Variants in FBXO38 observed in about 807,000 individuals in gnomAD.
The protein encoded by FBXO38 is F-box only protein 38.
In FBXO38, 53 loss-of-function variants were observed where a neutral mutation model predicts 131.9. The observed-to-expected ratio is 0.40, with a 90% confidence interval of 0.32 to 0.51. The LOEUF (loss-of-function observed/expected upper bound fraction) is 0.51. FBXO38 is among the 20% of genes least tolerant of loss of function. The pLI is 0.53. For synonymous variants in FBXO38, 452 were observed against 505.6 expected (o/e 0.89, Z 1.42); for missense variants, 1,076 against 1,475.6 (o/e 0.73, Z 4.44).
intron 3 of FBXO38, among the ~76,000 whole-genome samples, chr5:148,401,767 C>A (rs1310037978): frequency 6.6e-6 from 1 of 152,132 alleles, no homozygotes; most frequent in East Asian, 1.9e-4. Flanking sequence ...AAGCCTCCTC[C>A]ATAAAGTATT....
chr5:148,425,874 C>T (rs1254682232), intron 14 of FBXO38, among the ~76,000 whole-genome samples, 173 bp downstream of exon 14: 1 of 152,080 alleles, frequency 6.6e-6, no homozygotes, highest in Non-Finnish European at 1.5e-5. Context: ...GTAGGCAATA[C>T]AACACAACAG....
rs185100825 is a variant in FBXO38 at position 148,438,763 on chromosome 5, A to G, written c.3024+265A>G. ...AATTTCTGGCTGTCTGACCTGTAGC[A>G]GATTATTTGACTTCGATGTCTTAGT... On this transcript the variant is annotated intron_variant, in intron 18 of 21. Transcript: ENST00000340253. Among the ~76,000 whole-genome samples the G allele has an allele frequency of 5.5e-3, 842 of 152,296 alleles. 3 individuals carry two copies. Among genetic ancestry groups the G allele is most frequent in the South Asian group, 0.014 (68 of 4,824 alleles).
chr5:148,409,073 C>A, intron 7 of FBXO38, 51 bp from the exon 8 acceptor site: 1 of 980,326 alleles, frequency 1.0e-6, no homozygotes, highest in Non-Finnish European at 1.7e-6. Context: ...TATATAAATA[C>A]TTCACTAAAA....
chr5:148,400,676 CTT>C (rs1196119009), intron 3 of FBXO38, among the ~76,000 whole-genome samples: 1 of 152,078 alleles, frequency 6.6e-6, no homozygotes, highest in Non-Finnish European at 1.5e-5. Context: ...TATATGATCT[CTT>C]TGGATTCTCA....
intron 2 of FBXO38, among the ~76,000 whole-genome samples, chr5:148,397,318 T>C (rs1229622734): frequency 6.6e-6 from 1 of 152,160 alleles, no homozygotes; most frequent in African/African-American, 2.4e-5. Context: ...AGAAAAAATA[T>C]GCTACTTCTT....
At chr5:148,431,290 T>G (rs552147284) in intron 15 of FBXO38, among the ~76,000 whole-genome samples, 1 of 152,330 alleles carries the variant, frequency 6.6e-6, no homozygotes, top group East Asian at 1.9e-4. Flanking sequence ...GAGGGAGGCA[T>G]AAGAGAATAA....
chr5:148,418,048 T>G (rs758609548), intron 12 of FBXO38, among the ~76,000 whole-genome samples: 3 of 152,214 alleles, frequency 2.0e-5, no homozygotes, highest in Non-Finnish European at 4.4e-5. Flanking sequence ...AAGAATCATC[T>G]GTAGGCAATG....
intron 12 of FBXO38, among the ~76,000 whole-genome samples, chr5:148,419,486 T>C (rs1180249532): frequency 6.6e-6 from 1 of 152,200 alleles, no homozygotes; most frequent in Non-Finnish European, 1.5e-5. Flanking sequence ...GTTAAACAGT[T>C]GACTAATATT....
Position 148,427,505 on chromosome 5 carries a change from C to A in FBXO38, c.2211C>A (p.Ser737=), listed in dbSNP as rs145527741. The A allele has an allele frequency of 1.9e-6, 3 of 1,614,148 alleles. No homozygotes were observed. The highest frequency in any genetic ancestry group is 2.5e-6 in the Non-Finnish European group (3 of 1,180,008). The part of the protein sequence containing the change: ...FVRTVNSGGS[S]EPSPTEVDVS... The stretch of plus-strand genomic sequence containing the variant: ...GGACGGTGAACAGCGGCGGCTCTTC[C>A]GAGCCTAGCCCTACAGAAGTGGATG... The change falls in exon 15 of 22, where the codon TCC becomes TCA. Residue 737 remains serine, a synonymous_variant. Transcript: ENST00000340253.
At chr5:148,384,157 GGCCTCTGGCCC>G (rs1473984833) in intron 1 of FBXO38, 118 bp downstream of exon 1, 2 of 152,530 alleles carry the variant, frequency 1.3e-5, no homozygotes, top group Admixed American at 6.5e-5. Context: ...GCTTAAGCTC[GGCCTCTGGCCC>G]CCTTGGGGCC....
intron 1 of FBXO38, among the ~76,000 whole-genome samples, chr5:148,388,670 C>T (rs1312347560): frequency 6.6e-6 from 1 of 152,166 alleles, no homozygotes; most frequent in Admixed American, 6.5e-5. Flanking sequence ...CCTCTCTCGG[C>T]CTTCATAGAA....
At chr5:148,410,298 G>C (rs886075999) in intron 8 of FBXO38, 3 of 242,186 alleles carry the variant, frequency 1.2e-5, no homozygotes, top group African/African-American at 7.0e-5. Context: ...TTCCCATGCT[G>C]TCCTCATGAT....
rs1752213108 is a variant in FBXO38, at chr5:148,402,520, A to G, written c.592+7A>G. On this transcript the variant is annotated splice_region_variant and intron_variant, in intron 5 of 21. Transcript: ENST00000340253. The stretch of plus-strand genomic sequence containing the variant: ...CAAACTTTACATTTAGTTGGTGAGT[A>G]CATGTTTCTTGGGTCACTTGTAACT... 6.3e-7 allele frequency: 1 copy of G among 1,597,404 alleles called. No individual in the cohort carries two copies. Among genetic ancestry groups the G allele is most frequent in the Non-Finnish European group, 8.6e-7 (1 of 1,169,120 alleles).
chr5:148,430,816 A>C (rs2097221938), intron 15 of FBXO38: 1 of 152,196 alleles, frequency 6.6e-6, no homozygotes, highest in South Asian at 2.1e-4. Flanking sequence ...TGTTTTGTGA[A>C]TTTATATTTT....
At chr5:148,419,070 AC>A (rs1753244232) in intron 12 of FBXO38, among the ~76,000 whole-genome samples, 1 of 152,216 alleles carries the variant, frequency 6.6e-6, no homozygotes, top group Non-Finnish European at 1.5e-5. Flanking sequence ...TTCAGCAGTT[AC>A]CTAGGACTGT....
intron 1 of FBXO38, among the ~76,000 whole-genome samples, chr5:148,393,440 T>C (rs1198549629): frequency 6.6e-6 from 1 of 152,098 alleles, no homozygotes; most frequent in East Asian, 1.9e-4. Flanking sequence ...CAGGTGCCTT[T>C]CTCCTAGTGA....
chr5:148,428,699 T>G (rs1753865403), intron 15 of FBXO38, among the ~76,000 whole-genome samples: 2 of 152,218 alleles, frequency 1.3e-5, no homozygotes, highest in Non-Finnish European at 2.9e-5. Flanking sequence ...TTTTAAAATC[T>G]TAAAATCAGT....
chr5:148,416,134 A>ATTTTTTTTTTTTTTTTTTTT (rs376168098), intron 11 of FBXO38, 64 bp downstream of exon 11: 1 of 1,066,304 alleles, frequency 9.4e-7, no homozygotes, highest in African/African-American at 1.7e-5. Context: ...ACAGCCTGTG[A>ATTTTTTTTTTTTTTTTTTTT]TTTTTTTTTT....
intron 17 of FBXO38, among the ~76,000 whole-genome samples, chr5:148,438,009 A>C (rs573883355): frequency 1.3e-5 from 2 of 152,206 alleles, no homozygotes; most frequent in Non-Finnish European, 2.9e-5. Context: ...AGGTCTGACT[A>C]TTGACTATAA....
Sources: gnomAD v4.1 joint callset for allele counts (sites outside exome capture counted in the v4.1 genomes callset) on GRCh38, gnomAD v4.1.1 for gene constraint, MANE v1.5 for transcripts, NCBI Gene and HGNC (gene_info 2026-07-23, HGNC 2026-07-21) for gene names.